TPR: variants seen among roughly 807,000 people sequenced by gnomAD.
The protein encoded by TPR is nucleoprotein TPR.
A neutral mutation model predicts 316.1 loss-of-function variants in TPR; 51 were observed. The observed-to-expected ratio is 0.16, with a 90% confidence interval of 0.13 to 0.20. TPR has a LOEUF of 0.20. TPR is among the 10% of genes least tolerant of loss of function. The pLI is 1.00. For synonymous variants in TPR, 981 were observed against 914.7 expected, an observed-to-expected ratio of 1.07 and a Z score of -1.31; for missense variants, 2,272 against 2,754.8, an observed-to-expected ratio of 0.82 and a Z score of 3.92.
At chr1:186,362,490 GA>G in intron 6 of TPR, 110 bp from the exon 7 acceptor site, 1 of 777,188 alleles carries the variant, frequency 1.3e-6, no homozygotes, top group Non-Finnish European at 2.1e-6. Context: ...CTCCCCACCT[GA>G]AAAAGCAATT....
chr1:186,318,918 G>A, intron 46 of TPR, 90 bp from the exon 47 acceptor site: 1 of 1,216,798 alleles, frequency 8.2e-7, no homozygotes, highest in South Asian at 1.3e-5. Flanking sequence ...ATTAATTATT[G>A]GAGATATACA....
intron 21 of TPR, among the ~76,000 whole-genome samples, chr1:186,347,817 G>C (rs996711913): frequency 7.9e-5 from 12 of 152,202 alleles, no homozygotes; most frequent in Non-Finnish European, 1.5e-4. Flanking sequence ...AGCAGCTGGA[G>C]CCGTGGCAGA....
chr1:186,314,293 G>A (rs1406294), intron 50 of TPR: 68,623 of 404,196 alleles, frequency 0.17, 6,474 homozygotes, highest in African/African-American at 0.29. Flanking sequence ...GCTTTATCGT[G>A]TTGTATAAAA....
chr1:186,321,531 T>C (rs544472680), intron 45 of TPR, among the ~76,000 whole-genome samples: 2 of 152,318 alleles, frequency 1.3e-5, no homozygotes, highest in Non-Finnish European at 1.5e-5. Flanking sequence ...ATGTCTGTGC[T>C]TCAGTATACT....
In TPR at chr1:186,312,551, C is replaced by A; in HGVS notation, c.*1420G>T. On this transcript the variant is annotated 3_prime_UTR_variant, in exon 51 of 51. Coordinates refer to ENST00000367478, the MANE Select transcript of TPR (RefSeq NM_003292.3). ...AACCAAAGACCAATACTTTCTTTTT[C>A]CTTGTGGGTAAGTAAAGCAGTTTGT... is the stretch of plus-strand genomic sequence containing the variant. The A allele has an allele frequency of 1.2e-6, 1 of 808,702 alleles. No homozygotes were observed. Among genetic ancestry groups the A allele is most frequent in the Non-Finnish European group, 1.9e-6 (1 of 524,260 alleles). The allele number at this position is 808,702 out of a possible 1,614,324, so 50.1% of individuals were successfully genotyped here.
At chr1:186,328,540 CAA>C (rs972039701) in intron 39 of TPR, among the ~76,000 whole-genome samples, 3 of 151,276 alleles carry the variant, frequency 2.0e-5, no homozygotes, top group Non-Finnish European at 4.4e-5. Context: ...AGCTGCAGAC[CAA>C]AGTCAGAAAA....
intron 4 of TPR, among the ~76,000 whole-genome samples, chr1:186,364,097 C>T (rs1659267714): frequency 6.6e-6 from 1 of 152,072 alleles, no homozygotes; most frequent in Admixed American, 6.6e-5. Context: ...GAAGTTTTTG[C>T]ATATTTGTCA....
chr1:186,375,181 G>T lies in TPR; in HGVS notation c.-153C>A, dbSNP rs1659678295. On this transcript the variant is annotated 5_prime_UTR_variant, in exon 1 of 51. Transcript: ENST00000367478. ...CCCGCCCGCCGGAGACTCCCGCGGC[G>T]GGACCCTGGGAAATCGAGTCCACCC... is the stretch of plus-strand genomic sequence containing the variant. 6.5e-7 allele frequency: 1 copy of T among 1,533,658 alleles called. No homozygotes were observed. Among genetic ancestry groups the T allele is most frequent in the Non-Finnish European group, 8.8e-7 (1 of 1,139,018 alleles).
At chr1:186,327,262 TAATA>T (rs67342452) in intron 40 of TPR, among the ~76,000 whole-genome samples, 194 bp downstream of exon 40, 202 of 512 alleles carry the variant, frequency 0.39, 99 homozygotes, top group East Asian at 0.94. Flanking sequence ...TATAAATATA[TAATA>T]TATATATTTA....
At chr1:186,318,138 T>C (rs1199255780) in intron 48 of TPR, among the ~76,000 whole-genome samples, 1 of 152,042 alleles carries the variant, frequency 6.6e-6, no homozygotes, top group Non-Finnish European at 1.5e-5. Context: ...TCTGCTCCAG[T>C]TTAAGTCATG....
At chr1:186,344,639 C>A (rs1012512814) in intron 24 of TPR, 61 bp from the exon 25 acceptor site, 3 of 1,326,230 alleles carry the variant, frequency 2.3e-6, no homozygotes, top group East Asian at 5.1e-5. Flanking sequence ...CTAGTTAGCA[C>A]TTGTCCAAAG....
At chr1:186,361,545 A>C in intron 9 of TPR, 77 bp downstream of exon 9, 1 of 1,413,472 alleles carries the variant, frequency 7.1e-7, no homozygotes, top group Non-Finnish European at 9.8e-7. Context: ...AAATCCAATC[A>C]TCTATACAAA....
chr1:186,374,334 GAAATCAAGATATATT>G (rs1258913388), intron 1 of TPR, among the ~76,000 whole-genome samples: 1 of 152,132 alleles, frequency 6.6e-6, no homozygotes, highest in Non-Finnish European at 1.5e-5. Context: ...CTTTTTAAGA[GAAATCAAGATATATT>G]AAATTTATGT....
rs1658348076 is a variant in TPR, at chr1:186,336,650, C to T, written c.4551G>A (p.Gln1517=). The change falls in exon 33 of 51, where the codon CAG becomes CAA. Residue 1517 remains glutamine (Q), a synonymous_variant. Coordinates refer to ENST00000367478, the MANE Select transcript of TPR (RefSeq NM_003292.3). ...AAAGTTCAGACTGAAGTTGCACAGTCTGTTCCTGGAGATTTCTTGCTTCTG... is the reference window on the plus strand; with the variant it reads ...AAAGTTCAGACTGAAGTTGCACAGTTTGTTCCTGGAGATTTCTTGCTTCTG... The part of the protein sequence containing the change: ...KETEARNLQE[Q]TVQLQSELSR... 6.2e-7 allele frequency: 1 copy of T among 1,613,768 alleles called. No homozygotes were observed. Among genetic ancestry groups the T allele is most frequent in the Non-Finnish European group, 8.5e-7 (1 of 1,179,858 alleles).
intron 46 of TPR, 122 bp downstream of exon 46, chr1:186,320,190 T>C: frequency 1.2e-6 from 1 of 832,896 alleles, no homozygotes; most frequent in Non-Finnish European, 1.8e-6. Context: ...AAAAATAAAT[T>C]AGCAAACAAT....
chr1:186,365,102 C>CTT (rs61369492), intron 4 of TPR, among the ~76,000 whole-genome samples: 16 of 137,180 alleles, frequency 1.2e-4, no homozygotes, highest in African/African-American at 2.4e-4. Context: ...AGGGGCTGCC[C>CTT]TTTTTTTTTT....
In TPR at chr1:186,344,277, G is replaced by A. The variant is rs143704228; in HGVS notation, c.3417+98C>T. The A allele has an allele frequency of 3.3e-4, 472 of 1,448,286 alleles. 6 individuals are homozygous for A. In the East Asian group the frequency reaches 0.011, roughly 32 times the overall value. 89.7% of individuals were successfully genotyped at this position (1,448,286 alleles called of 1,614,324 possible). On this transcript the variant is annotated intron_variant, in intron 25 of 50. Transcript: ENST00000367478. ...TATCACGCCATTGCACTCCAGCATG[G>A]GTGACAGAGCGAGGCTCCATCTCAA...
At chr1:186,370,105 A>G (rs1659476431) in intron 3 of TPR, among the ~76,000 whole-genome samples, 1 of 152,178 alleles carries the variant, frequency 6.6e-6, no homozygotes. Flanking sequence ...ATATTTTAAT[A>G]ACCATAGCTT....
chr1:186,351,738 A>G (rs978497402), intron 19 of TPR, among the ~76,000 whole-genome samples: 5 of 152,180 alleles, frequency 3.3e-5, no homozygotes, highest in African/African-American at 1.2e-4. Flanking sequence ...TATAAATAGT[A>G]AAACTGCACA....
Sources: gnomAD v4.1 joint callset for allele counts (sites outside exome capture counted in the v4.1 genomes callset) on GRCh38, gnomAD v4.1.1 for gene constraint, MANE v1.5 for transcripts, NCBI Gene and HGNC (gene_info 2026-07-23, HGNC 2026-07-21) for gene names.